TNK2: variants seen among roughly 807,000 people sequenced by gnomAD.
TNK2 encodes the protein activated CDC42 kinase 1.
Under a neutral mutation model 101.8 loss-of-function variants are expected in TNK2, and 83 were observed. That is an observed-to-expected ratio of 0.82 (90% CI 0.68 to 0.98). The LOEUF is 0.98. Among genes scored for constraint, TNK2 ranks in the 50% least tolerant of loss-of-function variants. TNK2 has a pLI of 0.00. For synonymous variants in TNK2, 804 were observed against 633.0 expected (o/e 1.27, Z -4.06); for missense variants, 1,665 against 1,483.2 (o/e 1.12, Z -2.01).
Position 195,868,508 on chromosome 3 carries a change from A to G in TNK2, c.1790T>C (p.Leu597Pro), listed in dbSNP as rs1050661439. 2.0e-5 allele frequency: 31 copies of G among 1,554,182 alleles called. No individual in the cohort carries two copies. The African/African-American group carries it at 2.2e-4, about 11-fold the overall frequency. The change falls in exon 13 of 16, where the codon CTA becomes CCA. Residue 597 changes from leucine to proline, a missense_variant. Transcript: ENST00000672887. ...CGCCAGGGAGGGCGCGCAGGGCCGT[A>G]GGGCCGGGACCACGGGCTCCTCACC... ...DFGEEPVVPA[L>P]RPCAPSLAQL...
At chr3:195,869,420 C>T in intron 12 of TNK2, 77 bp downstream of exon 12, 2 of 1,349,378 alleles carry the variant, frequency 1.5e-6, no homozygotes, top group South Asian at 1.2e-5. Flanking sequence ...GCCGCCCAGG[C>T]TCTGTACCTT....
chr3:195,896,956 T>C (rs1760634141), intron 1 of TNK2, among the ~76,000 whole-genome samples: 1 of 152,036 alleles, frequency 6.6e-6, no homozygotes, highest in Non-Finnish European at 1.5e-5. Flanking sequence ...CCAAGAGGAT[T>C]TTTCCAAAAC....
intron 13 of TNK2, 30 bp downstream of exon 13, chr3:195,867,331 G>A (rs989258326): frequency 2.0e-5 from 32 of 1,608,240 alleles, no homozygotes; most frequent in African/African-American, 4.0e-5. Flanking sequence ...GCCCTGCCCC[G>A]CTTCGCCCAC....
intron 14 of TNK2, 28 bp downstream of exon 14, chr3:195,867,141 A>C (rs1281474851): frequency 6.2e-7 from 1 of 1,611,220 alleles, no homozygotes; most frequent in Non-Finnish European, 8.5e-7. Flanking sequence ...GGTCCCTGAG[A>C]GCCAGAGTGA....
At chr3:195,898,229 C>A (rs1005591524) in intron 1 of TNK2, among the ~76,000 whole-genome samples, 1 of 152,138 alleles carries the variant, frequency 6.6e-6, no homozygotes, top group Non-Finnish European at 1.5e-5. Context: ...ACACACCGGT[C>A]GGGCTGCTTC....
chr3:195,883,509 G>C (rs1577071157), intron 4 of TNK2, 200 bp from the exon 5 acceptor site: 1 of 591,832 alleles, frequency 1.7e-6, no homozygotes, highest in Non-Finnish European at 2.9e-6. Context: ...TGGCCCTCAG[G>C]AGCCATCGTC....
chr3:195,870,300 T>C, intron 10 of TNK2, 95 bp from the exon 11 acceptor site: 3 of 1,559,464 alleles, frequency 1.9e-6, no homozygotes, highest in Non-Finnish European at 2.6e-6. Context: ...GGAAACCGGG[T>C]GTAGTCTTGG....
rs200272067 is a variant in TNK2, at chr3:195,868,060, C to T, written c.2238G>A (p.Pro746=). Residue 746 remains proline, a synonymous_variant, in exon 13 of 16, where the codon CCG becomes CCA. Coordinates refer to ENST00000672887, the MANE Select transcript of TNK2 (RefSeq NM_001382273.1). ...GCACCTGGGGCTTGTCGTCACCCCCCGGGCTGGGAGAGGGGGCCGGGGAGC... is the reference window on the plus strand; with the variant it reads ...GCACCTGGGGCTTGTCGTCACCCCCTGGGCTGGGAGAGGGGGCCGGGGAGC... The part of the protein sequence containing the change: ...PAGSPAPSPS[P]GGDDKPQVPP... 2.2e-3 allele frequency: 3,455 copies of T among 1,602,418 alleles called. 21 individuals carry two copies. Among genetic ancestry groups the T allele is most frequent in the South Asian group, 5.5e-3 (496 of 89,918 alleles).
intron 10 of TNK2, chr3:195,870,442 C>T (rs766882383): frequency 1.5e-6 from 2 of 1,352,230 alleles, no homozygotes; most frequent in Non-Finnish European, 1.9e-6. Context: ...CTCAGGGACT[C>T]CAACTACACC....
At position 195,885,384 on chromosome 3, in the gene TNK2, C is replaced by A. The variant is rs1755149701; in HGVS notation, c.235-351G>T. 7.4e-7 allele frequency: 1 copy of A among 1,350,686 alleles called. No homozygotes were observed. Among genetic ancestry groups the A allele is most frequent in the African/African-American group, 1.5e-5 (1 of 68,734 alleles). The allele number at this position is 1,350,686 out of a possible 1,614,324, so 83.7% of individuals were successfully genotyped here. On this transcript the variant is annotated intron_variant, in intron 3 of 15. Transcript: ENST00000672887. The surrounding 1 kb of genome is among the most constrained non-coding windows in gnomAD (Gnocchi z 4.7). ...TCCTGCCCCACCCTCCCTTCCTGCA[C>A]CCGCCACCCCGCAGACTCCAGCCCT...
At chr3:195,869,336 G>C (rs376583721) in intron 12 of TNK2, 161 bp downstream of exon 12, 481 of 757,314 alleles carry the variant, frequency 6.4e-4, no homozygotes, top group Non-Finnish European at 9.5e-4. Context: ...CGGGCTCGAG[G>C]GGGGGCAGGC....
At chr3:195,874,490 T>TC (rs1401198879) in intron 9 of TNK2, among the ~76,000 whole-genome samples, 2 of 149,300 alleles carry the variant, frequency 1.3e-5, no homozygotes, top group South Asian at 4.3e-4. Context: ...TGCAAGAAGC[T>TC]CCCCTCGGGA....
At chr3:195,895,973 C>T (rs1021091554) in intron 1 of TNK2, 2 of 313,844 alleles carry the variant, frequency 6.4e-6, no homozygotes, top group Non-Finnish European at 1.2e-5. Flanking sequence ...GCCACGCCCC[C>T]GCCCCGAGGC....
rs147211568 is a variant in TNK2, at chr3:195,867,664, G to A, written c.2634C>T (p.Pro878=). 159 of 1,606,128 alleles carry A rather than the reference G, an allele frequency of 9.9e-5. No homozygotes were observed. Among genetic ancestry groups the A allele is most frequent in the Middle Eastern group, 1.6e-4 (1 of 6,070 alleles). ...AGCGCTCCAGGTAGGATGGTCGCTC[G>A]GGCAGCAAGTAATAGTGGGTGCTGC... ...KVSSTHYYLL[P]ERPSYLERYQ... is the part of the protein sequence containing the mutation. Residue 878 remains proline (P), a synonymous_variant, in exon 13 of 16, where the codon CCC becomes CCT. Coordinates refer to ENST00000672887, the MANE Select transcript of TNK2 (RefSeq NM_001382273.1).
rs755481543 is a variant in TNK2, at chr3:195,872,277, C to T, written c.1450G>A (p.Glu484Lys). The T allele has an allele frequency of 1.3e-5, 21 of 1,613,292 alleles. No individual in the cohort carries two copies. Among genetic ancestry groups the T allele is most frequent in the Admixed American group, 1.0e-4 (6 of 60,012 alleles). Residue 484 changes from glutamate to lysine, a missense_variant and splice_region_variant, in exon 10 of 16, where the codon GAA (glutamate) becomes AAA (lysine). Around this residue, in one of 3 missense-constraint regions of TNK2, gnomAD observed 1,136 missense variants for 894.9 expected, o/e 1.27. Transcript: ENST00000672887. ...CATCCATCCCCGCCCAGTACTCACT[C>T]GTCAATCCTGTCCGGGAAGCCCCAG... Reference protein sequence around the residue: ...HCWGFPDRIDELYLGNPMDPP... With the variant: ...HCWGFPDRIDKLYLGNPMDPP...
At position 195,888,640 on chromosome 3, in the gene TNK2, T is replaced by TG; in HGVS notation, c.-18-35dup. 2 of 1,579,518 alleles carry TG rather than the reference T, an allele frequency of 1.3e-6. No homozygotes were observed. Among genetic ancestry groups the TG allele is most frequent in the South Asian group, 2.3e-5 (2 of 88,258 alleles). ...GGAGGAGTGGCTCAGGGACAAGGGTTGTGGGGGGACAACAGGGGCCTGCCC... is the reference window on the plus strand; with the variant it reads ...GGAGGAGTGGCTCAGGGACAAGGGTTGGTGGGGGGACAACAGGGGCCTGCCC... On this transcript the variant is annotated intron_variant, in intron 1 of 15. Coordinates refer to ENST00000672887, the MANE Select transcript of TNK2 (RefSeq NM_001382273.1). The surrounding 1 kb of genome is among the most constrained non-coding windows in gnomAD (Gnocchi z 5.3).
rs760235668 is a variant in TNK2 at position 195,868,561 on chromosome 3, G to A, written c.1737C>T (p.Ser579=). 2.4e-5 allele frequency: 38 copies of A among 1,571,570 alleles called. No individual in the cohort carries two copies. The highest frequency in any genetic ancestry group is 1.8e-4 in the Middle Eastern group (1 of 5,578). Residue 579 remains serine (S), a synonymous_variant, in exon 13 of 16, where the codon AGC becomes AGT. Coordinates refer to ENST00000672887, the MANE Select transcript of TNK2 (RefSeq NM_001382273.1). ...RVPGTKASRG[S]GAEVTLIDFG... ...AGTCGATGAGCGTGACCTCAGCCCCGCTGCCTCGGCTGGCCTTGGTGCCCG... is the reference window on the plus strand; with the variant it reads ...AGTCGATGAGCGTGACCTCAGCCCCACTGCCTCGGCTGGCCTTGGTGCCCG...
chr3:195,865,096 T>C (rs1197368554), intron 15 of TNK2, among the ~76,000 whole-genome samples: 1 of 132,774 alleles, frequency 7.5e-6, no homozygotes, highest in Non-Finnish European at 1.6e-5. Context: ...CAGGTGCAAA[T>C]CAGTAAGAAC....
chr3:195,868,782 G>A (rs1742712194), intron 12 of TNK2, 73 bp from the exon 13 acceptor site: 8 of 1,455,414 alleles, frequency 5.5e-6, no homozygotes, highest in Admixed American at 5.0e-5. Flanking sequence ...GGTGGCACGT[G>A]GGAGAGAAAG....
Sources: allele counts gnomAD v4.1 joint callset (sites outside exome capture counted in the v4.1 genomes callset), GRCh38; gene constraint gnomAD v4.1.1; regional missense constraint gnomAD v4.1.1; non-coding constraint Gnocchi (gnomAD v3.1); transcripts MANE v1.5; gene names NCBI Gene and HGNC (gene_info 2026-07-23, HGNC 2026-07-21).